DAB1: variants seen among roughly 807,000 people sequenced by gnomAD.
DAB1 encodes the protein disabled homolog 1.
DAB1 carries 15 observed loss-of-function variants against 64.6 expected under a neutral mutation model. That is an observed-to-expected ratio of 0.23 (90% CI 0.16 to 0.36). The LOEUF is 0.36. DAB1 is among the 10% of genes least tolerant of loss of function. The pLI, the probability that DAB1 is intolerant of heterozygous loss-of-function variation, is 1.00. For synonymous variants in DAB1, 235 were observed against 251.9 expected (o/e 0.93, Z 0.64); for missense variants, 596 against 706.7 (o/e 0.84, Z 1.78).
chr1:57,886,546 A>G (rs927531090), upstream of DAB1, among the ~76,000 whole-genome samples: 2 of 152,178 alleles, frequency 1.3e-5, no homozygotes, highest in African/African-American at 2.4e-5. Flanking sequence ...AGCCCTTCGT[A>G]TACTTCATAT....
At chr1:57,743,470 C>T (rs551421885) in intron 6 of DAB1, among the ~76,000 whole-genome samples, 4 of 152,332 alleles carry the variant, frequency 2.6e-5, no homozygotes, top group African/African-American at 9.6e-5. Context: ...ACTCTCTTTT[C>T]GGACTCAGCT....
intron 4 of DAB1, among the ~76,000 whole-genome samples, chr1:58,167,653 G>T (rs1442973593): frequency 6.6e-6 from 1 of 152,128 alleles, no homozygotes; most frequent in African/African-American, 2.4e-5. Flanking sequence ...TCACTCTTTG[G>T]GTCCGCATTA....
chr1:57,363,973 C>A (rs1043383206), intron 1 of DAB1, among the ~76,000 whole-genome samples: 7 of 152,112 alleles, frequency 4.6e-5, no homozygotes, highest in African/African-American at 1.7e-4. Context: ...AATTGAATAT[C>A]CATTCCTATT....
intron 7 of DAB1, among the ~76,000 whole-genome samples, chr1:57,526,274 T>A (rs1644592611): frequency 6.6e-6 from 1 of 152,186 alleles, no homozygotes; most frequent in Admixed American, 6.5e-5. Flanking sequence ...ATAATCACTC[T>A]GCCCTTACCT....
intron 6 of DAB1, among the ~76,000 whole-genome samples, chr1:57,655,760 T>C (rs1322781374): frequency 6.6e-6 from 1 of 152,220 alleles, no homozygotes; most frequent in Non-Finnish European, 1.5e-5. Flanking sequence ...AAAAAGTAAC[T>C]TTTGTAAAAT....
intron 1 of DAB1, chr1:58,527,455 TCTA>T (rs1646370608): frequency 1.6e-6 from 1 of 612,706 alleles, no homozygotes; most frequent in East Asian, 2.7e-5. Context: ...TCCTATACTG[TCTA>T]CTAACATTAA....
intron 7 of DAB1, among the ~76,000 whole-genome samples, chr1:57,439,433 T>TTTTTTTTGTTTTTTTTTTTTTGTTTG: frequency 7.6e-6 from 1 of 131,926 alleles, no homozygotes; most frequent in Non-Finnish European, 1.6e-5. Flanking sequence ...TTCTTTTTTT[T>TTTTTTTTGTTTTTTTTTTTTTGTTTG]TTTTTTTTTT....
At chr1:57,019,568 C>A (rs113928256) in intron 11 of DAB1, among the ~76,000 whole-genome samples, 30 of 152,302 alleles carry the variant, frequency 2.0e-4, no homozygotes, top group African/African-American at 6.7e-4. Context: ...TGGCTCTCCT[C>A]GGCCTGTGAG....
chr1:57,882,480 G>A (rs1471825927), intron 1 of DAB1, among the ~76,000 whole-genome samples: 1 of 152,126 alleles, frequency 6.6e-6, no homozygotes, highest in Non-Finnish European at 1.5e-5. Context: ...TGGATTTTGA[G>A]CTCCTCTAAG....
chr1:58,340,516 C>T (rs1434437331), intron 4 of DAB1, among the ~76,000 whole-genome samples: 1 of 152,140 alleles, frequency 6.6e-6, no homozygotes, highest in Non-Finnish European at 1.5e-5. Context: ...AGTAAGAGCC[C>T]AAACTCATGA....
intron 2 of DAB1, among the ~76,000 whole-genome samples, chr1:57,274,975 C>T (rs72903296): frequency 1.0e-3 from 158 of 151,300 alleles, no homozygotes; most frequent in African/African-American, 3.7e-3. Context: ...GGCAAGGGAG[C>T]ATAAGGAGGA....
At chr1:57,693,226 T>C (rs192857121) in intron 6 of DAB1, among the ~76,000 whole-genome samples, 1 of 152,232 alleles carries the variant, frequency 6.6e-6, no homozygotes, top group East Asian at 1.9e-4. Flanking sequence ...AGGAAGTAGC[T>C]AGAGCAGTCA....
chr1:57,190,389 T>A (rs543064255), intron 2 of DAB1, among the ~76,000 whole-genome samples: 1 of 152,230 alleles, frequency 6.6e-6, no homozygotes, highest in African/African-American at 2.4e-5. Context: ...AAAGCAGGCT[T>A]TATAAACCCT....
intron 5 of DAB1, among the ~76,000 whole-genome samples, chr1:57,917,404 C>T (rs1401686628): frequency 6.6e-6 from 1 of 152,204 alleles, no homozygotes; most frequent in African/African-American, 2.4e-5. Flanking sequence ...GGTTCCTCAC[C>T]TGTAAAGTAG....
At chr1:57,903,982 C>T (rs1011718678) in intron 5 of DAB1, among the ~76,000 whole-genome samples, 1 of 152,216 alleles carries the variant, frequency 6.6e-6, no homozygotes, top group Admixed American at 6.5e-5. Flanking sequence ...ATGGGCCTGT[C>T]ACATGTAGCT....
At chr1:58,293,532 G>A (rs1321624590) in intron 4 of DAB1, among the ~76,000 whole-genome samples, 1 of 152,166 alleles carries the variant, frequency 6.6e-6, no homozygotes, top group African/African-American at 2.4e-5. Context: ...CACAGCAATG[G>A]AAAGGCTGAA....
intron 1 of DAB1, among the ~76,000 whole-genome samples, chr1:57,358,615 A>AG (rs1679305994): frequency 6.6e-6 from 1 of 152,048 alleles, no homozygotes; most frequent in African/African-American, 2.4e-5. Flanking sequence ...TCACAGAAAT[A>AG]GAAAAAAAAA....
At chr1:57,873,543 T>G (rs1472690055) in intron 1 of DAB1, among the ~76,000 whole-genome samples, 2 of 152,190 alleles carry the variant, frequency 1.3e-5, no homozygotes, top group African/African-American at 4.8e-5. Flanking sequence ...AAATTGTAGA[T>G]GGGTACAATT....
At chr1:57,481,207 T>G (rs1022807075) in intron 7 of DAB1, among the ~76,000 whole-genome samples, 3 of 152,074 alleles carry the variant, frequency 2.0e-5, no homozygotes, top group African/African-American at 7.2e-5. Flanking sequence ...GAGCCAAGCA[T>G]CAGTCATTTT....
Sources: allele counts gnomAD v4.1 joint callset (sites outside exome capture counted in the v4.1 genomes callset), GRCh38; gene constraint gnomAD v4.1.1; transcripts MANE v1.5; gene names NCBI Gene and HGNC (gene_info 2026-07-23, HGNC 2026-07-21).